The following FLI1 variants were observed in gnomAD, a reference collection of about 807,000 sequenced individuals.
FLI1 encodes Fli-1 proto-oncogene, ETS transcription factor.
In FLI1, 13 loss-of-function variants were observed where a neutral mutation model predicts 53.1. The ratio of observed to expected loss-of-function variants is 0.24; its 90% confidence interval spans 0.16 to 0.39. FLI1 has a LOEUF of 0.39. Among genes scored for constraint, FLI1 ranks in the 10% least tolerant of loss-of-function variants. The probability of loss-of-function intolerance (pLI) is 1.00; values close to 1 mark genes in which losing one functional copy is unlikely to be tolerated. For synonymous variants in FLI1, 244 were observed against 236.7 expected (o/e 1.03, Z -0.28); for missense variants, 424 against 600.5 (o/e 0.71, Z 3.07).
Position 128,731,867 on chromosome 11 carries a change from G to A in FLI1, c.19-26248G>A, listed in dbSNP as rs540751532. ...AAAATACAAAAATTAGCTTAGTGTG[G>A]TGGCACACGCCTGTAATTCCAGCCA... On this transcript the variant is annotated intron_variant, in intron 1 of 8. Coordinates refer to ENST00000527786, the MANE Select transcript of FLI1 (RefSeq NM_002017.5). Among the ~76,000 whole-genome samples, 22 of 152,194 alleles carry A rather than the reference G, an allele frequency of 1.4e-4. No homozygotes were observed. In the South Asian group the frequency reaches 4.2e-3, roughly 29 times the overall value.
chr11:128,735,290 G>A (rs934424305), intron 1 of FLI1, among the ~76,000 whole-genome samples: 2 of 152,220 alleles, frequency 1.3e-5, no homozygotes, highest in Non-Finnish European at 2.9e-5. Context: ...ATTAAAAAGA[G>A]ACAGAGGCAG....
At chr11:128,727,989 C>T (rs537310233) in intron 1 of FLI1, among the ~76,000 whole-genome samples, 1 of 152,384 alleles carries the variant, frequency 6.6e-6, no homozygotes, top group South Asian at 2.1e-4. Flanking sequence ...CCCTGACCCA[C>T]TTCCCCTCAG....
At chr11:128,774,279 C>A (rs542691536) in intron 4 of FLI1, among the ~76,000 whole-genome samples, 1 of 152,094 alleles carries the variant, frequency 6.6e-6, no homozygotes, top group African/African-American at 2.4e-5. Context: ...GTAACTAGTG[C>A]GAGAAAGTAG....
At chr11:128,809,094 G>T (rs1942865115) in intron 7 of FLI1, 63 bp from the exon 8 acceptor site, 1 of 1,311,098 alleles carries the variant, frequency 7.6e-7, no homozygotes, top group Non-Finnish European at 1.1e-6. Flanking sequence ...GTTTTCTTAT[G>T]GTTGGTACGG....
At chr11:128,807,128 C>T in intron 6 of FLI1, 52 bp from the exon 7 acceptor site, 1 of 1,246,956 alleles carries the variant, frequency 8.0e-7, no homozygotes, top group Non-Finnish European at 1.1e-6. Flanking sequence ...ACGTCTTGCT[C>T]CCCTCGGGGA....
chr11:128,765,555 G>A (rs1035693894), intron 2 of FLI1, among the ~76,000 whole-genome samples: 5 of 152,304 alleles, frequency 3.3e-5, no homozygotes, highest in Non-Finnish European at 5.9e-5. Context: ...TCCTTTCCGA[G>A]AGACCCCTGC....
intron 1 of FLI1, 39 bp from the exon 2 acceptor site, chr11:128,758,076 A>T (rs372998751): frequency 6.4e-7 from 1 of 1,556,776 alleles, no homozygotes; most frequent in Non-Finnish European, 8.8e-7. Context: ...TTGGGTGAAG[A>T]GTGACACTGG....
chr11:128,759,296 C>T (rs1240631128), intron 2 of FLI1, among the ~76,000 whole-genome samples: 1 of 152,214 alleles, frequency 6.6e-6, no homozygotes, highest in Non-Finnish European at 1.5e-5. Flanking sequence ...TATTCCACAG[C>T]CAGAGGCTGA....
In FLI1 at chr11:128,782,480, G is replaced by C. The variant is rs142738096; in HGVS notation, c.655+457G>C. On this transcript the variant is annotated intron_variant, in intron 5 of 8. Coordinates refer to ENST00000527786, the MANE Select transcript of FLI1 (RefSeq NM_002017.5). Reference sequence around the variant, plus strand: ...GGGGCCGAAGTGGGTGGATCACTTGGGGTCAGGAGTTCGAAGCCCAGCCTG... The same window carrying C: ...GGGGCCGAAGTGGGTGGATCACTTGCGGTCAGGAGTTCGAAGCCCAGCCTG... Among the ~76,000 whole-genome samples, 190 of 152,176 alleles carry C rather than the reference G, an allele frequency of 1.2e-3. 4 individuals carry two copies. In the East Asian group the frequency reaches 0.031, roughly 24 times the overall value.
intron 5 of FLI1, among the ~76,000 whole-genome samples, chr11:128,799,053 T>TTTTTTTTTTTTTC (rs1942544126): frequency 9.5e-6 from 1 of 105,674 alleles, no homozygotes; most frequent in Non-Finnish European, 2.2e-5. Flanking sequence ...ATTATTATTA[T>TTTTTTTTTTTTTC]TTTGCTTTGG....
rs370030492 is a variant in FLI1 at position 128,795,959 on chromosome 11, ACT to A, written c.656-9401_656-9400del. On this transcript the variant is annotated intron_variant, in intron 5 of 8. Transcript: ENST00000527786. ...TCTTAAATTTAGGAATAATCACACC[ACT>A]CTCTCCCGCCCCTGCCAAGTATCTA... Among the ~76,000 whole-genome samples the A allele has an allele frequency of 1.1e-3, 166 of 151,918 alleles. 1 individual carries two copies. The highest frequency in any genetic ancestry group is 3.9e-3 in the African/African-American group (162 of 41,396).
intron 2 of FLI1, among the ~76,000 whole-genome samples, 197 bp downstream of exon 2, chr11:128,758,523 C>T (rs1940986989): frequency 6.6e-6 from 1 of 152,184 alleles, no homozygotes; most frequent in Admixed American, 6.5e-5. Context: ...TAGGAAGCCC[C>T]CCTGCCTCTC....
chr11:128,803,287 G>A (rs576757502), intron 5 of FLI1, among the ~76,000 whole-genome samples: 19 of 152,206 alleles, frequency 1.2e-4, no homozygotes, highest in South Asian at 8.3e-4. Flanking sequence ...GGCTGCAAGC[G>A]CAAAACCTCC....
chr11:128,714,779 G>A (rs1166887514), intron 1 of FLI1, among the ~76,000 whole-genome samples: 2 of 141,048 alleles, frequency 1.4e-5, no homozygotes, highest in South Asian at 4.5e-4. Flanking sequence ...TGTAATCTCA[G>A]CTCACAGCAA....
At chr11:128,757,120 C>CTTTCTTTT (rs1940924339) in intron 1 of FLI1, among the ~76,000 whole-genome samples, 1 of 142,576 alleles carries the variant, frequency 7.0e-6, no homozygotes, top group Admixed American at 7.1e-5. Context: ...TTCTCTCTTT[C>CTTTCTTTT]TGTTTTTGTA....
Position 128,772,858 on chromosome 11 carries a change from C to T in FLI1, c.462C>T (p.Ile154=), listed in dbSNP as rs745359490. 1.9e-5 allele frequency: 31 copies of T among 1,613,816 alleles called. No homozygotes were observed. The highest frequency in any genetic ancestry group is 8.9e-5 in the East Asian group (4 of 44,898). The change falls in exon 4 of 9, where the codon ATC becomes ATT. Residue 154 remains isoleucine, a synonymous_variant. Coordinates refer to ENST00000527786, the MANE Select transcript of FLI1 (RefSeq NM_002017.5). ...WAIKEYSLME[I]DTSFFQNMDG... is the part of the protein sequence containing the mutation. ...TAAAGGAGTACAGCTTGATGGAGATCGACACATCCTTTTTCCAGAACATGG... is the reference window on the plus strand; with the variant it reads ...TAAAGGAGTACAGCTTGATGGAGATTGACACATCCTTTTTCCAGAACATGG...
At chr11:128,766,365 T>A (rs929967840) in intron 2 of FLI1, among the ~76,000 whole-genome samples, 2 of 152,220 alleles carry the variant, frequency 1.3e-5, no homozygotes. Context: ...TTTGGTTCTC[T>A]GCCTGGAAAA....
chr11:128,731,961 C>T (rs1939716269), intron 1 of FLI1, among the ~76,000 whole-genome samples: 1 of 151,708 alleles, frequency 6.6e-6, no homozygotes, highest in Non-Finnish European at 1.5e-5. Flanking sequence ...CGAGATCGTG[C>T]CACTGTGCTC....
intron 1 of FLI1, among the ~76,000 whole-genome samples, chr11:128,720,280 C>T (rs926646153): frequency 3.9e-5 from 6 of 152,120 alleles, no homozygotes; most frequent in South Asian, 4.1e-4. Flanking sequence ...CCACTAAACA[C>T]GGAAGTCAAG....
Sources: allele counts gnomAD v4.1 joint callset (sites outside exome capture counted in the v4.1 genomes callset), GRCh38; gene constraint gnomAD v4.1.1; transcripts MANE v1.5; gene names NCBI Gene and HGNC (gene_info 2026-07-23, HGNC 2026-07-21).